The following PCDHA2 variants were observed in gnomAD, a reference collection of about 807,000 sequenced individuals.
PCDHA2 encodes protocadherin alpha-2.
A neutral mutation model predicts 66.0 loss-of-function variants in PCDHA2; 58 were observed. The ratio of observed to expected loss-of-function variants is 0.88; its 90% CI spans 0.71 to 1.09. PCDHA2 has a LOEUF of 1.09. PCDHA2 is among the 50% of genes least tolerant of loss of function. The pLI is 0.00. For missense variants in PCDHA2, 1,267 were observed against 1,242.3 expected (o/e 1.02, Z -0.30); for synonymous variants, 634 against 554.0 (o/e 1.14, Z -2.03).
intron 2 of PCDHA2, 69 bp downstream of exon 2, chr5:140,979,076 C>G: frequency 6.3e-7 from 1 of 1,584,068 alleles, no homozygotes; most frequent in South Asian, 1.1e-5. Flanking sequence ...AACTGCATCT[C>G]CATAGGCCAG....
intron 1 of PCDHA2, among the ~76,000 whole-genome samples, chr5:140,975,269 T>A (rs1348655604): frequency 1.3e-5 from 2 of 152,252 alleles, no homozygotes; most frequent in African/African-American, 4.8e-5. Context: ...CTGATTTCTG[T>A]CTCTGACCTC....
intron 1 of PCDHA2, chr5:140,802,289 A>G (rs1233215220): frequency 6.2e-7 from 1 of 1,614,128 alleles, no homozygotes; most frequent in East Asian, 2.2e-5. Flanking sequence ...AAGACTCTCC[A>G]CTTAGCACAG....
At chr5:140,913,145 G>A (rs2076230074) in intron 1 of PCDHA2, among the ~76,000 whole-genome samples, 1 of 152,150 alleles carries the variant, frequency 6.6e-6, no homozygotes, top group Non-Finnish European at 1.5e-5. Context: ...TTTTGGAATA[G>A]TTTGAGTAGG....
intron 3 of PCDHA2, among the ~76,000 whole-genome samples, chr5:141,001,941 A>G (rs565358428): frequency 6.6e-6 from 1 of 151,874 alleles, no homozygotes; most frequent in Admixed American, 6.5e-5. Context: ...GTGAGCGGAA[A>G]TAAGGAGGAG....
chr5:140,936,200 T>C (rs906256264), intron 1 of PCDHA2, among the ~76,000 whole-genome samples: 4 of 152,322 alleles, frequency 2.6e-5, no homozygotes, highest in African/African-American at 7.2e-5. Context: ...GCCAAAGTTG[T>C]CTTTTTTATT....
intron 1 of PCDHA2, among the ~76,000 whole-genome samples, chr5:140,907,450 T>C (rs1235040607): frequency 1.1e-4 from 17 of 152,218 alleles, no homozygotes; most frequent in Non-Finnish European, 2.5e-4. Context: ...CAGATGGTAA[T>C]CTTGGCAGAA....
intron 1 of PCDHA2, among the ~76,000 whole-genome samples, chr5:140,879,496 C>T (rs186624809): frequency 6.6e-6 from 1 of 152,204 alleles, no homozygotes; most frequent in Admixed American, 6.5e-5. Context: ...GGGTCTGGAT[C>T]TCAGAAGAGA....
intron 1 of PCDHA2, chr5:140,863,962 C>T (rs1378381215): frequency 6.4e-6 from 1 of 155,852 alleles, no homozygotes; most frequent in Non-Finnish European, 1.4e-5. Context: ...GATTAGGCCA[C>T]TGCACTACAG....
rs140680694 is a variant in PCDHA2, at chr5:140,925,580, G to A, written c.2389-53369G>A. 5.4e-3 allele frequency among the ~76,000 whole-genome samples: 819 copies of A among 151,688 alleles called. 10 individuals carry two copies. The highest frequency in any genetic ancestry group is 0.019 in the African/African-American group (777 of 41,364). On this transcript the variant is annotated intron_variant, in intron 1 of 3. Transcript: ENST00000526136. ...GTTAATGGGTGCAGCACACCAACATGGCGCATGTATACATATGTAACAAAC... is the reference window on the plus strand; with the variant it reads ...GTTAATGGGTGCAGCACACCAACATAGCGCATGTATACATATGTAACAAAC...
chr5:141,008,679 T>C (rs950831628), intron 3 of PCDHA2, among the ~76,000 whole-genome samples: 4 of 152,238 alleles, frequency 2.6e-5, no homozygotes, highest in South Asian at 4.1e-4. Context: ...TATACTTTAG[T>C]TATTGCATGT....
rs143144725 is a variant in PCDHA2 at position 140,850,029 on chromosome 5, G to A, written c.2388+52677G>A. Reference sequence around the variant, plus strand: ...GCTGTCGAGCTACGTGTCAGTGCACGCGGAGAGCGGCAAGGTGTACGCGCT... The same window carrying A: ...GCTGTCGAGCTACGTGTCAGTGCACACGGAGAGCGGCAAGGTGTACGCGCT... On this transcript the variant is annotated intron_variant, in intron 1 of 3. Coordinates refer to ENST00000526136, the MANE Select transcript of PCDHA2 (RefSeq NM_018905.3). 1.3e-4 allele frequency: 205 copies of A among 1,596,756 alleles called. 11 individuals carry two copies. In the African/African-American group the frequency reaches 2.2e-3, roughly 17 times the overall value.
At chr5:140,835,470 G>T in intron 1 of PCDHA2, 2 of 1,613,868 alleles carry the variant, frequency 1.2e-6, no homozygotes, top group Non-Finnish European at 1.7e-6. Flanking sequence ...TCCAGAGGAC[G>T]CCCAACCAGG....
intron 2 of PCDHA2, among the ~76,000 whole-genome samples, chr5:140,981,118 G>A (rs1205022984): frequency 6.6e-6 from 1 of 152,196 alleles, no homozygotes; most frequent in Admixed American, 6.5e-5. Flanking sequence ...TACTGGATAT[G>A]TTGTTTGAAG....
rs1371953272 is a variant in PCDHA2 at position 140,844,555 on chromosome 5, A to G, written c.2388+47203A>G. ...ATTCAACCCTTTGTTCATGAGTTGGAATATTTTCAATAATATTCCACATTA... is the reference window on the plus strand; with the variant it reads ...ATTCAACCCTTTGTTCATGAGTTGGGATATTTTCAATAATATTCCACATTA... On this transcript the variant is annotated intron_variant, in intron 1 of 3. Transcript: ENST00000526136. Among the ~76,000 whole-genome samples the G allele has an allele frequency of 6.7e-5, 10 of 149,520 alleles. 1 individual carries two copies. The Admixed American group carries it at 6.7e-4, about 10-fold the overall frequency.
At chr5:140,830,260 C>T in intron 1 of PCDHA2, 1 of 1,613,632 alleles carries the variant, frequency 6.2e-7, no homozygotes, top group Non-Finnish European at 8.5e-7. Context: ...CGCTGCGGTG[C>T]TCGGCGCCAC....
intron 1 of PCDHA2, chr5:140,863,338 C>G: frequency 2.2e-6 from 3 of 1,361,684 alleles, no homozygotes; most frequent in Non-Finnish European, 3.0e-6. Flanking sequence ...GCTCACGTTG[C>G]TGCTGTACAC....
chr5:140,909,437 C>T (rs2074495257), intron 1 of PCDHA2, among the ~76,000 whole-genome samples: 1 of 152,198 alleles, frequency 6.6e-6, no homozygotes, highest in African/African-American at 2.4e-5. Flanking sequence ...TGATAATCCA[C>T]TGTCATTCTC....
Position 140,829,599 on chromosome 5 carries a change from C to A in PCDHA2, c.2388+32247C>A, listed in dbSNP as rs1770425263. ...GTGGAGCGGCGGGTGGGCGAGCGCG[C>A]GTTGTCGAGCTACATTTCGGTGCAC... is the stretch of plus-strand genomic sequence containing the variant. On this transcript the variant is annotated intron_variant, in intron 1 of 3. Transcript: ENST00000526136. 15 of 1,612,030 alleles carry A rather than the reference C, an allele frequency of 9.3e-6. No individual in the cohort carries two copies. In the East Asian group the frequency reaches 3.3e-4, roughly 36 times the overall value.
At chr5:140,968,397 A>G in intron 1 of PCDHA2, 7 of 1,613,892 alleles carry the variant, frequency 4.3e-6, no homozygotes, top group Non-Finnish European at 5.9e-6. Context: ...AAGTTTCGGG[A>G]GTTCTTTGTG....
Sources: gnomAD v4.1 joint callset for allele counts (sites outside exome capture counted in the v4.1 genomes callset) on GRCh38, gnomAD v4.1.1 for gene constraint, MANE v1.5 for transcripts, NCBI Gene and HGNC (gene_info 2026-07-23, HGNC 2026-07-21) for gene names.